MACO1: variants seen among roughly 807,000 people sequenced by gnomAD.
The protein encoded by MACO1 is macoilin.
Under a neutral mutation model 78.7 loss-of-function variants are expected in MACO1, and 14 were observed. That is an observed-to-expected ratio of 0.18 (90% CI 0.12 to 0.28). The LOEUF is 0.28. Ranked by LOEUF, MACO1 falls within the 10% of genes least tolerant of loss-of-function variation. MACO1 has a pLI of 1.00. For missense variants in MACO1, 501 were observed against 799.0 expected (o/e 0.63, Z 4.50); for synonymous variants, 288 against 291.6 (o/e 0.99, Z 0.12).
chr1:25,480,196 A>G (rs985491914), intron 6 of MACO1, among the ~76,000 whole-genome samples: 1 of 152,224 alleles, frequency 6.6e-6, no homozygotes, highest in African/African-American at 2.4e-5. Flanking sequence ...AAAATTGTCC[A>G]TCATAAATTT....
chr1:25,443,715 C>T (rs375964962), intron 1 of MACO1, among the ~76,000 whole-genome samples: 8 of 152,240 alleles, frequency 5.3e-5, no homozygotes, highest in African/African-American at 9.6e-5. Context: ...AATAGTGAAG[C>T]GGAGTGTTGC....
chr1:25,494,506 A>G (rs1262078131), intron 10 of MACO1, among the ~76,000 whole-genome samples: 1 of 152,184 alleles, frequency 6.6e-6, no homozygotes, highest in Non-Finnish European at 1.5e-5. Flanking sequence ...TAGAGAGGGT[A>G]TTCCCTAGAT....
chr1:25,461,508 G>A (rs183483478), intron 6 of MACO1, among the ~76,000 whole-genome samples: 1 of 152,092 alleles, frequency 6.6e-6, no homozygotes, highest in East Asian at 1.9e-4. Context: ...GGAAAGTTGA[G>A]ATAAAACTAA....
intron 10 of MACO1, among the ~76,000 whole-genome samples, chr1:25,497,454 G>A (rs561067930): frequency 2.0e-5 from 3 of 152,162 alleles, no homozygotes; most frequent in South Asian, 2.1e-4. Flanking sequence ...GTTTTGCTGA[G>A]GAAGTAGAAA....
chr1:25,466,530 C>G (rs1025621023), intron 6 of MACO1, among the ~76,000 whole-genome samples: 2 of 152,154 alleles, frequency 1.3e-5, no homozygotes, highest in African/African-American at 2.4e-5. Flanking sequence ...TCAGGCTGGT[C>G]TCAAACTCCT....
chr1:25,477,336 G>A (rs74063410), intron 6 of MACO1, among the ~76,000 whole-genome samples: 2,168 of 152,174 alleles, frequency 0.014, 51 homozygotes, highest in African/African-American at 0.049. Context: ...AACAAGGAGT[G>A]GGTCATTTTG....
At chr1:25,491,733 A>G (rs2043488013) in intron 10 of MACO1, 149 bp downstream of exon 10, 1 of 624,760 alleles carries the variant, frequency 1.6e-6, no homozygotes, top group African/African-American at 1.8e-5. Flanking sequence ...AAATATAGGA[A>G]CCATCACATT....
chr1:25,488,365 A>G (rs553179658), intron 8 of MACO1, among the ~76,000 whole-genome samples: 12 of 152,272 alleles, frequency 7.9e-5, no homozygotes, highest in South Asian at 2.1e-4. Context: ...ATTTTAGAGT[A>G]TTATTGAAAT....
At chr1:25,472,504 G>A (rs191438453) in intron 6 of MACO1, among the ~76,000 whole-genome samples, 35 of 152,202 alleles carry the variant, frequency 2.3e-4, no homozygotes, top group African/African-American at 8.4e-4. Context: ...TGAGAATGAT[G>A]GTTTCCAGCT....
At position 25,495,487 on chromosome 1, in the gene MACO1, G is replaced by A. The variant is rs72871930; in HGVS notation, c.1793-2777G>A. 5.1e-3 allele frequency among the ~76,000 whole-genome samples: 769 copies of A among 152,220 alleles called. 5 individuals carry two copies. Among genetic ancestry groups the A allele is most frequent in the African/African-American group, 0.018 (730 of 41,520 alleles). ...ATTTGATGCTTCCTTGAAGCTTAGG[G>A]GACATGAAGGAAGTGAGGGGGGCAG... On this transcript the variant is annotated intron_variant, in intron 10 of 10. Coordinates refer to ENST00000374343, the MANE Select transcript of MACO1 (RefSeq NM_018202.6).
chr1:25,482,177 A>G (rs989996696), intron 6 of MACO1, among the ~76,000 whole-genome samples: 4 of 152,222 alleles, frequency 2.6e-5, no homozygotes, highest in African/African-American at 9.7e-5. Flanking sequence ...GAATCTCATC[A>G]GAGCAAACTG....
chr1:25,443,199 C>G (rs1166942906), intron 1 of MACO1, among the ~76,000 whole-genome samples: 3 of 152,158 alleles, frequency 2.0e-5, no homozygotes, highest in Non-Finnish European at 2.9e-5. Flanking sequence ...ATTTAGGTTA[C>G]TTGTCTTTAA....
chr1:25,467,656 G>A (rs995659470), intron 6 of MACO1, among the ~76,000 whole-genome samples: 3 of 151,556 alleles, frequency 2.0e-5, no homozygotes, highest in East Asian at 1.9e-4. Flanking sequence ...GGTATAAAGA[G>A]TCATAAAGGA....
intron 6 of MACO1, among the ~76,000 whole-genome samples, chr1:25,469,220 G>C (rs965458895): frequency 6.6e-6 from 1 of 152,064 alleles, no homozygotes; most frequent in African/African-American, 2.4e-5. Context: ...TATTTTTAGA[G>C]CATATATATT....
intron 1 of MACO1, among the ~76,000 whole-genome samples, chr1:25,444,719 T>A (rs1048659306): frequency 6.6e-6 from 1 of 152,010 alleles, no homozygotes. Context: ...TCTGAGTAGC[T>A]GGGACTACAA....
At chr1:25,475,726 A>G (rs1031096737) in intron 6 of MACO1, among the ~76,000 whole-genome samples, 2 of 152,224 alleles carry the variant, frequency 1.3e-5, no homozygotes, top group Non-Finnish European at 2.9e-5. Context: ...AATAATTAAA[A>G]TGTTAAAAAT....
intron 6 of MACO1, among the ~76,000 whole-genome samples, chr1:25,465,951 T>C (rs1341517276): frequency 6.6e-6 from 1 of 152,260 alleles, no homozygotes; most frequent in Non-Finnish European, 1.5e-5. Flanking sequence ...TTTCATTCTT[T>C]ATATGGCTGA....
At chr1:25,451,201 T>C (rs1462961485) in intron 3 of MACO1, among the ~76,000 whole-genome samples, 1 of 152,216 alleles carries the variant, frequency 6.6e-6, no homozygotes, top group African/African-American at 2.4e-5. Flanking sequence ...CTGACAAATA[T>C]GAGTGCAATT....
chr1:25,473,819 G>C (rs2043296042), intron 6 of MACO1, among the ~76,000 whole-genome samples: 1 of 151,976 alleles, frequency 6.6e-6, no homozygotes, highest in Non-Finnish European at 1.5e-5. Context: ...AAATCTCTTG[G>C]GTACCTCTTA....
Sources: gnomAD v4.1 joint callset for allele counts (sites outside exome capture counted in the v4.1 genomes callset) on GRCh38, gnomAD v4.1.1 for gene constraint, MANE v1.5 for transcripts, NCBI Gene and HGNC (gene_info 2026-07-23, HGNC 2026-07-21) for gene names.